RAD23B: variants seen among roughly 807,000 people sequenced by gnomAD.
RAD23B encodes the protein RAD23 nucleotide excision repair protein B.
Under a neutral mutation model 49.1 loss-of-function variants are expected in RAD23B, and 5 were observed. The observed-to-expected ratio is 0.10, with a 90% confidence interval of 0.05 to 0.21. The LOEUF is 0.21. RAD23B is among the 10% of genes least tolerant of loss of function. RAD23B has a pLI of 1.00. For missense variants in RAD23B, 356 were observed against 486.7 expected (o/e 0.73, Z 2.53); for synonymous variants, 184 against 165.4 (o/e 1.11, Z -0.86).
chr9:107,297,568 A>G lies in RAD23B; in HGVS notation c.67-2573A>G, dbSNP rs535061544. Among the ~76,000 whole-genome samples, 5 of 152,102 alleles carry G rather than the reference A, an allele frequency of 3.3e-5. No individual in the cohort carries two copies. The East Asian group carries it at 9.8e-4, about 30-fold the overall frequency. ...GTTGGCCAGGCTGGTCTCGAATCCA[A>G]CCTTAGGTGATCCGTCTGCCTTGGC... On this transcript the variant is annotated intron_variant, in intron 1 of 9. Transcript: ENST00000358015.
Position 107,318,607 on chromosome 9 carries a change from A to T in RAD23B, c.554-145A>T. 1.1e-6 allele frequency: 1 copy of T among 873,934 alleles called. No individual in the cohort carries two copies. Among genetic ancestry groups the T allele is most frequent in the Non-Finnish European group, 1.7e-6 (1 of 596,222 alleles). 54.1% of individuals were successfully genotyped at this position (873,934 alleles called of 1,614,324 possible). ...TCTTTGGGGGACCATTACCTACTAC[A>T]TATATGTTGTAATTTATACTGTTAC... On this transcript the variant is annotated intron_variant, in intron 5 of 9. Coordinates refer to ENST00000358015, the MANE Select transcript of RAD23B (RefSeq NM_002874.5). The surrounding 1 kb of genome is among the most constrained non-coding windows in gnomAD (Gnocchi z 4.3).
At chr9:107,314,958 C>T (rs1826961674) in intron 5 of RAD23B, among the ~76,000 whole-genome samples, 1 of 152,052 alleles carries the variant, frequency 6.6e-6, no homozygotes, top group Non-Finnish European at 1.5e-5. Context: ...TGTTTTTTGC[C>T]AGTCATGTTT....
intron 3 of RAD23B, among the ~76,000 whole-genome samples, chr9:107,303,252 C>T (rs1376524592): frequency 1.3e-5 from 2 of 151,838 alleles, no homozygotes; most frequent in Non-Finnish European, 2.9e-5. Flanking sequence ...TCATCAAAGG[C>T]CAAAAGTGGA....
chr9:107,310,513 A>G (rs1826869613), intron 4 of RAD23B, among the ~76,000 whole-genome samples: 1 of 152,210 alleles, frequency 6.6e-6, no homozygotes, highest in Non-Finnish European at 1.5e-5. Flanking sequence ...ATGATTGTTA[A>G]GTTAAAAAAA....
chr9:107,289,515 G>A (rs1330117501), intron 1 of RAD23B, among the ~76,000 whole-genome samples: 1 of 152,058 alleles, frequency 6.6e-6, no homozygotes, highest in Non-Finnish European at 1.5e-5. Flanking sequence ...ATTTTTAAAG[G>A]TTACTTTGAT....
chr9:107,301,174 AT>A (rs1826643593), intron 2 of RAD23B, among the ~76,000 whole-genome samples: 1 of 152,194 alleles, frequency 6.6e-6, no homozygotes, highest in Non-Finnish European at 1.5e-5. Flanking sequence ...TACTTCGTGC[AT>A]TTCTAAGTTC....
chr9:107,316,639 CTGTT>C (rs1438299767), intron 5 of RAD23B, among the ~76,000 whole-genome samples: 1 of 151,914 alleles, frequency 6.6e-6, no homozygotes, highest in African/African-American at 2.4e-5. Flanking sequence ...AATGCTTAAT[CTGTT>C]TGTGATATTT....
At chr9:107,300,741 T>G (rs747489347) in intron 2 of RAD23B, among the ~76,000 whole-genome samples, 2 of 152,204 alleles carry the variant, frequency 1.3e-5, no homozygotes, top group Non-Finnish European at 2.9e-5. Flanking sequence ...TACATTTGAC[T>G]AGCCTCACTA....
At chr9:107,309,953 A>G (rs1436035194) in intron 4 of RAD23B, among the ~76,000 whole-genome samples, 1 of 149,820 alleles carries the variant, frequency 6.7e-6, no homozygotes, top group Non-Finnish European at 1.5e-5. Context: ...AAAAAAAACC[A>G]ATGTGTGATA....
At chr9:107,314,572 T>C (rs1208214432) in intron 5 of RAD23B, among the ~76,000 whole-genome samples, 1 of 152,240 alleles carries the variant, frequency 6.6e-6, no homozygotes, top group Admixed American at 6.5e-5. Context: ...ATTTTCTTTA[T>C]CTCATCCTCC....
At chr9:107,295,455 G>A (rs1394116577) in intron 1 of RAD23B, among the ~76,000 whole-genome samples, 2 of 152,160 alleles carry the variant, frequency 1.3e-5, no homozygotes, top group Non-Finnish European at 2.9e-5. Context: ...TGAAAGAAAG[G>A]GATACTTTTT....
At chr9:107,294,728 G>C (rs145000684) in intron 1 of RAD23B, among the ~76,000 whole-genome samples, 1 of 152,330 alleles carries the variant, frequency 6.6e-6, no homozygotes, top group African/African-American at 2.4e-5. Flanking sequence ...TCAGTAGAGA[G>C]TTAAGTGTGC....
At chr9:107,320,710 A>G (rs10759226) in intron 6 of RAD23B, among the ~76,000 whole-genome samples, 83,831 of 152,044 alleles carry the variant, frequency 0.55, 23,321 homozygotes, top group East Asian at 0.75. Context: ...AATAAAGATG[A>G]ACTTTTTAGT....
At chr9:107,302,740 CT>C (rs1826682549) in intron 3 of RAD23B, among the ~76,000 whole-genome samples, 1 of 151,034 alleles carries the variant, frequency 6.6e-6, no homozygotes, top group African/African-American at 2.4e-5. Context: ...ACTACAAGCT[CT>C]GTCTCCCGGG....
intron 9 of RAD23B, among the ~76,000 whole-genome samples, chr9:107,326,480 CAA>C (rs1223341449): frequency 0.074 from 4,187 of 56,438 alleles, 171 homozygotes; most frequent in African/African-American, 0.19. Context: ...GACTCTGTCT[CAA>C]AAAAAAAAAA....
At chr9:107,305,170 C>T (rs1479092620) in intron 3 of RAD23B, among the ~76,000 whole-genome samples, 2 of 151,702 alleles carry the variant, frequency 1.3e-5, no homozygotes, top group African/African-American at 2.4e-5. Context: ...GTAGTGTGAG[C>T]CCGTAGTCCC....
intron 7 of RAD23B, among the ~76,000 whole-genome samples, chr9:107,322,321 T>C (rs1407343129): frequency 3.3e-5 from 5 of 152,264 alleles, no homozygotes; most frequent in Non-Finnish European, 5.9e-5. Flanking sequence ...ATATTAAACA[T>C]CAGTGTTGCA....
rs565570525 is a variant in RAD23B, at chr9:107,315,659, G to A, written c.554-3093G>A. Among the ~76,000 whole-genome samples the A allele has an allele frequency of 4.6e-5, 7 of 151,672 alleles. 1 individual carries two copies. The highest frequency in any genetic ancestry group is 1.5e-4 in the African/African-American group (6 of 41,366). ...CTTCCAAGTAGCTGGGATTACAGGCGCCTGCCACCATGCCCAGATAATTTT... is the reference window on the plus strand; with the variant it reads ...CTTCCAAGTAGCTGGGATTACAGGCACCTGCCACCATGCCCAGATAATTTT... On this transcript the variant is annotated intron_variant, in intron 5 of 9. Transcript: ENST00000358015.
rs767932037 is a variant in RAD23B at position 107,321,970 on chromosome 9, A to G, written c.682-13A>G. ...ATGATGGGATATCTTAAAGCTTGGA[A>G]ATTCTATTACAGGGAATCCCTGGAG... On this transcript the variant is annotated splice_polypyrimidine_tract_variant and intron_variant, in intron 6 of 9. Coordinates refer to ENST00000358015, the MANE Select transcript of RAD23B (RefSeq NM_002874.5). 1 of 1,591,118 alleles carries G rather than the reference A, an allele frequency of 6.3e-7. No homozygotes were observed. Among genetic ancestry groups the G allele is most frequent in the East Asian group, 2.2e-5 (1 of 44,480 alleles).
Sources: allele counts gnomAD v4.1 joint callset (sites outside exome capture counted in the v4.1 genomes callset), GRCh38; gene constraint gnomAD v4.1.1; non-coding constraint Gnocchi (gnomAD v3.1); transcripts MANE v1.5; gene names NCBI Gene and HGNC (gene_info 2026-07-23, HGNC 2026-07-21).